PKP1: variants seen among roughly 807,000 people sequenced by gnomAD.
PKP1 encodes the protein plakophilin 1, also known as plakophilin-1.
In PKP1, 27 loss-of-function variants were observed where a neutral mutation model predicts 76.4. The observed-to-expected ratio is 0.35, with a 90% CI of 0.26 to 0.49. The LOEUF is 0.49. Ranked by LOEUF, PKP1 falls within the 20% of genes least tolerant of loss-of-function variation. The pLI is 0.99. For missense variants in PKP1, 964 were observed against 955.2 expected (o/e 1.01, Z -0.12); for synonymous variants, 404 against 384.2 (o/e 1.05, Z -0.60).
At chr1:201,303,951 G>A (rs184472882) in intron 2 of PKP1, among the ~76,000 whole-genome samples, 58 of 152,254 alleles carry the variant, frequency 3.8e-4, no homozygotes, top group Non-Finnish European at 5.9e-4. Flanking sequence ...CCTGCCCCAC[G>A]CCTGGCTGAA....
intron 2 of PKP1, among the ~76,000 whole-genome samples, chr1:201,310,325 G>A (rs536865299): frequency 5.6e-4 from 85 of 152,310 alleles, no homozygotes; most frequent in African/African-American, 2.0e-3. Flanking sequence ...TTTTACAGAT[G>A]GAAAAACTGA....
intron 2 of PKP1, among the ~76,000 whole-genome samples, chr1:201,300,912 C>A (rs976443433): frequency 2.6e-5 from 4 of 152,150 alleles, no homozygotes; most frequent in Admixed American, 2.6e-4. Flanking sequence ...GAGGGCAGAG[C>A]AGGAATGCCC....
At chr1:201,292,591 G>C (rs1655950273) in intron 1 of PKP1, among the ~76,000 whole-genome samples, 1 of 152,168 alleles carries the variant, frequency 6.6e-6, no homozygotes, top group African/African-American at 2.4e-5. Flanking sequence ...TCTACTCCCA[G>C]CTCAGATATT....
chr1:201,313,273 C>T lies in PKP1; in HGVS notation c.414C>T (p.Thr138=), dbSNP rs752212049. The T allele has an allele frequency of 3.1e-6, 5 of 1,604,036 alleles. No individual in the cohort carries two copies. Among genetic ancestry groups the T allele is most frequent in the Non-Finnish European group, 4.3e-6 (5 of 1,175,792 alleles). Residue 138 remains threonine, a synonymous_variant, in exon 3 of 14, where the codon ACC becomes ACT. Coordinates refer to ENST00000367324, the MANE Select transcript of PKP1 (RefSeq NM_001005337.3). ...ACCCCCGGGGCAGCTGTAACACCACCGGCGCAGGCAGCGACATCTGCTTCA... is the reference window on the plus strand; with the variant it reads ...ACCCCCGGGGCAGCTGTAACACCACTGGCGCAGGCAGCGACATCTGCTTCA... ...RHYPRGSCNT[T]GAGSDICFMQ...
chr1:201,324,328 G>T (rs139751596), intron 9 of PKP1, 100 bp from the exon 10 acceptor site: 18 of 1,246,402 alleles, frequency 1.4e-5, no homozygotes, highest in African/African-American at 7.5e-5. Context: ...AAAGAGAAAG[G>T]GTTCTGGGAT....
rs148143573 is a variant in PKP1 at position 201,291,500 on chromosome 1, G to A, written c.203-2442G>A. Among the ~76,000 whole-genome samples, 873 of 152,228 alleles carry A rather than the reference G, an allele frequency of 5.7e-3. 8 individuals carry two copies. The highest frequency in any genetic ancestry group is 0.02 in the African/African-American group (845 of 41,528). Reference sequence around the variant, plus strand: ...GAGGCAGGCAGGTGCAGGGTGTGGCGGGAGGAGATGGTTAGTCTGATGACC... The same window carrying A: ...GAGGCAGGCAGGTGCAGGGTGTGGCAGGAGGAGATGGTTAGTCTGATGACC... On this transcript the variant is annotated intron_variant, in intron 1 of 13. Coordinates refer to ENST00000367324, the MANE Select transcript of PKP1 (RefSeq NM_001005337.3).
chr1:201,325,661 C>G (rs1657096782), intron 11 of PKP1, 93 bp from the exon 12 acceptor site: 1 of 963,668 alleles, frequency 1.0e-6, no homozygotes, highest in Admixed American at 1.8e-5. Context: ...TCCCCTGTGT[C>G]CAGGCCCTGG....
At chr1:201,302,760 C>T (rs1016412576) in intron 2 of PKP1, among the ~76,000 whole-genome samples, 1 of 152,246 alleles carries the variant, frequency 6.6e-6, no homozygotes, top group Admixed American at 6.5e-5. Flanking sequence ...CCTCCCCTCC[C>T]GCCCCCACAG....
chr1:201,324,605 C>A (rs186386102), intron 10 of PKP1, 24 bp downstream of exon 10: 1 of 1,613,426 alleles, frequency 6.2e-7, no homozygotes, highest in African/African-American at 1.3e-5. Context: ...CTCTCCTCCC[C>A]CTCTAGCTAA....
chr1:201,315,885 A>C (rs919965895), intron 3 of PKP1, among the ~76,000 whole-genome samples: 26 of 152,258 alleles, frequency 1.7e-4, no homozygotes, highest in African/African-American at 6.0e-4. Context: ...GAAATTTTAG[A>C]TGGGGGAACT....
intron 7 of PKP1, 21 bp from the exon 8 acceptor site, chr1:201,321,957 A>C (rs771992047): frequency 1.2e-6 from 2 of 1,613,602 alleles, no homozygotes; most frequent in African/African-American, 1.3e-5. Flanking sequence ...GCTCAGGCCC[A>C]TGCCTCTCCT....
At position 201,320,341 on chromosome 1, in the gene PKP1, A is replaced by G. The variant is rs769720924; in HGVS notation, c.1307A>G (p.Tyr436Cys). ...YSGLIDSLMA[Y>C]VQNCVAASRC... ...GGGCTCATTGATTCCCTCATGGCCT[A>G]TGTCCAGAACTGTGTAGCGGCCAGC... is the stretch of plus-strand genomic sequence containing the variant. Residue 436 changes from tyrosine to cysteine, a missense_variant, in exon 7 of 14, where the codon TAT becomes TGT. Physicochemically the swap from Tyr to Cys is radical, Grantham distance 194. Transcript: ENST00000367324. 6.2e-7 allele frequency: 1 copy of G among 1,614,034 alleles called. No homozygotes were observed. The highest frequency in any genetic ancestry group is 8.5e-7 in the Non-Finnish European group (1 of 1,179,900).
intron 2 of PKP1, among the ~76,000 whole-genome samples, chr1:201,307,234 G>A (rs1355462394): frequency 6.6e-6 from 1 of 152,174 alleles, no homozygotes; most frequent in Non-Finnish European, 1.5e-5. Flanking sequence ...AAGGCCAAAT[G>A]GGATTGCTCT....
chr1:201,316,819 G>T, intron 4 of PKP1, 122 bp downstream of exon 4: 1 of 1,065,446 alleles, frequency 9.4e-7, no homozygotes, highest in African/African-American at 1.6e-5. Flanking sequence ...TTGCCCAGCT[G>T]CCAGGAGCCT....
chr1:201,285,131 T>G (rs832163), intron 1 of PKP1, among the ~76,000 whole-genome samples: 92,476 of 151,832 alleles, frequency 0.61, 33,388 homozygotes, highest in East Asian at 0.92. Flanking sequence ...CAACCAAGAC[T>G]TATGTATTAA....
rs375928792 is a variant in PKP1, at chr1:201,316,732, T to C, written c.846+35T>C. 1.9e-6 allele frequency: 3 copies of C among 1,611,260 alleles called. No individual in the cohort carries two copies. The African/African-American group carries it at 4.0e-5, about 22-fold the overall frequency. Reference sequence around the variant, plus strand: ...TGCATACCTTCCTCCTTGGTGGGCCTGCGGAGGGCCTGGGTGTGTCAGCCT... The same window carrying C: ...TGCATACCTTCCTCCTTGGTGGGCCCGCGGAGGGCCTGGGTGTGTCAGCCT... On this transcript the variant is annotated intron_variant, in intron 4 of 13. Transcript: ENST00000367324.
At chr1:201,298,720 C>T (rs966970390) in intron 2 of PKP1, among the ~76,000 whole-genome samples, 8 of 152,156 alleles carry the variant, frequency 5.3e-5, no homozygotes, top group Non-Finnish European at 8.8e-5. Flanking sequence ...TTCATTGACC[C>T]CATTTCTCCT....
In PKP1 at chr1:201,316,676, G is replaced by A. The variant is rs1228086490; in HGVS notation, c.825G>A (p.Gln275=). Residue 275 remains glutamine, a synonymous_variant, in exon 4 of 14, where the codon CAG becomes CAA. Transcript: ENST00000367324. ...ATTACATCCAGCATACCTGCTTCCA[G>A]GATGAATCTGCCAAGCAACAGGTAG... ...GAYYIQHTCF[Q]DESAKQQVYQ... 1.9e-6 allele frequency: 3 copies of A among 1,613,934 alleles called. No individual in the cohort carries two copies. The highest frequency in any genetic ancestry group is 2.7e-5 in the African/African-American group (2 of 75,048).
intron 2 of PKP1, among the ~76,000 whole-genome samples, chr1:201,311,510 G>T (rs1460915666): frequency 6.6e-6 from 1 of 152,214 alleles, no homozygotes; most frequent in Non-Finnish European, 1.5e-5. Context: ...CTTCTGACTG[G>T]TGGTTTGACA....
Sources: allele counts gnomAD v4.1 joint callset (sites outside exome capture counted in the v4.1 genomes callset), GRCh38; gene constraint gnomAD v4.1.1; transcripts MANE v1.5; gene names NCBI Gene and HGNC (gene_info 2026-07-23, HGNC 2026-07-21).